CD300LG: variants seen among roughly 807,000 people sequenced by gnomAD.
The protein encoded by CD300LG is CD300 molecule like family member g, also known as CMRF35-like molecule 9.
In CD300LG, 29 loss-of-function variants were observed where a neutral mutation model predicts 31.5. That is an observed-to-expected ratio of 0.92 (90% confidence interval 0.68 to 1.25). The LOEUF (loss-of-function observed/expected upper bound fraction) is 1.25, where lower values mean the gene tolerates loss of function less well. Ranked by LOEUF, CD300LG falls within the 50% of genes most tolerant of loss-of-function variation. The pLI is 0.00. For synonymous variants in CD300LG, 175 were observed against 177.2 expected (o/e 0.99, Z 0.10); for missense variants, 396 against 417.6 (o/e 0.95, Z 0.45).
At chr17:43,848,447 A>G (rs1477800549) in intron 1 of CD300LG, 111 bp from the exon 2 acceptor site, 1 of 883,926 alleles carries the variant, frequency 1.1e-6, no homozygotes, top group Non-Finnish European at 1.8e-6. Context: ...CTGTCCCCAG[A>G]AGGGATGACT....
In CD300LG at chr17:43,855,276, C is replaced by T. The variant is rs1299057083; in HGVS notation, c.789C>T (p.Gly263=). The T allele has an allele frequency of 6.2e-7, 1 of 1,606,274 alleles. No individual in the cohort carries two copies. Among genetic ancestry groups the T allele is most frequent in the Non-Finnish European group, 8.5e-7 (1 of 1,177,496 alleles). The change falls in exon 5 of 7, where the codon GGC becomes GGT. Residue 263 remains glycine, a synonymous_variant. Coordinates refer to ENST00000317310, the MANE Select transcript of CD300LG (RefSeq NM_145273.4). ...TGCTGAGCCTTCTGTCAGCCGCAGG[C>T]CTGATCGCCTTCTGCAGCCACCTGC... ...LVLLSLLSAA[G]LIAFCSHLLL... is the part of the protein sequence containing the mutation.
rs112331876 is a variant in CD300LG at position 43,861,418 on chromosome 17, G to C, written c.886-380G>C. ...TTCCCCATTCACAGCCATAGGCCTA[G>C]CCCATTTCACCTGGGAAGCCAGAGC... is the stretch of plus-strand genomic sequence containing the variant. On this transcript the variant is annotated intron_variant, in intron 6 of 6. Transcript: ENST00000317310. 6.1e-3 allele frequency among the ~76,000 whole-genome samples: 925 copies of C among 152,276 alleles called. 5 individuals are homozygous for C. The highest frequency in any genetic ancestry group is 0.01 in the Middle Eastern group (3 of 294).
chr17:43,847,740 TTG>T, intron 1 of CD300LG, among the ~76,000 whole-genome samples: 1 of 152,314 alleles, frequency 6.6e-6, no homozygotes, highest in African/African-American at 2.4e-5. Context: ...CTGATGTCAG[TTG>T]TTCAGTTGGC....
chr17:43,859,132 C>T (rs1452322720), intron 6 of CD300LG, among the ~76,000 whole-genome samples: 2 of 152,122 alleles, frequency 1.3e-5, no homozygotes, highest in African/African-American at 4.8e-5. Flanking sequence ...CCCTCTGCGT[C>T]CTCCACCCCG....
intron 5 of CD300LG, among the ~76,000 whole-genome samples, chr17:43,856,286 T>A (rs1054179378): frequency 6.6e-6 from 1 of 152,226 alleles, no homozygotes; most frequent in South Asian, 2.1e-4. Context: ...CTGATGGCCA[T>A]GTGCAGCTCC....
Position 43,848,744 on chromosome 17 carries a change from G to T in CD300LG, c.230G>T (p.Gly77Val). 1 of 1,614,152 alleles carries T rather than the reference G, an allele frequency of 6.2e-7. No individual in the cohort carries two copies. Among genetic ancestry groups the T allele is most frequent in the Non-Finnish European group, 8.5e-7 (1 of 1,180,038 alleles). The change falls in exon 2 of 7, where the codon GGC becomes GTC. Residue 77 changes from glycine to valine, a missense_variant. Transcript: ENST00000317310. ...GAAGAAGGCCAGGAGACAATGAAGG[G>T]CAGGGTGTCCATCCGTGACAGCCGC... ...AEEEGQETMK[G>V]RVSIRDSRQE...
intron 2 of CD300LG, among the ~76,000 whole-genome samples, chr17:43,851,866 A>G (rs1260067628): frequency 6.6e-6 from 1 of 152,066 alleles, no homozygotes; most frequent in Non-Finnish European, 1.5e-5. Flanking sequence ...AGGGAGACCC[A>G]GTACACAAGA....
intron 6 of CD300LG, chr17:43,857,696 G>A (rs72836564): frequency 0.15 from 200,594 of 1,327,656 alleles, 16,432 homozygotes; most frequent in Non-Finnish European, 0.16. Context: ...GAGGCCCAGA[G>A]AGGGTAAAGG....
At chr17:43,857,772 CT>C (rs1455125082) in intron 6 of CD300LG, 10 of 1,537,110 alleles carry the variant, frequency 6.5e-6, no homozygotes, top group African/African-American at 1.4e-5. Flanking sequence ...TTCTTGACTC[CT>C]GCTCTTCTCT....
rs16940265 is a variant in CD300LG at position 43,860,399 on chromosome 17, C to T, written c.886-1399C>T. ...GGAGCTTCTTTCTCTGGCATCAGTG[C>T]CCATTTGGCCATGGGATTCACTGTC... is the stretch of plus-strand genomic sequence containing the variant. On this transcript the variant is annotated intron_variant, in intron 6 of 6. Transcript: ENST00000317310. 1.2e-3 allele frequency among the ~76,000 whole-genome samples: 185 copies of T among 152,356 alleles called. 1 individual carries two copies. Among genetic ancestry groups the T allele is most frequent in the African/African-American group, 4.1e-3 (170 of 41,580 alleles).
rs528591847 is a variant in CD300LG, at chr17:43,850,675, G to A, written c.379+1782G>A. ...TGTTTTTTTTTTAAGATGTGGTTTC[G>A]CCATATTGGCCTGTCTGGTCTCAAA... On this transcript the variant is annotated intron_variant, in intron 2 of 6. Coordinates refer to ENST00000317310, the MANE Select transcript of CD300LG (RefSeq NM_145273.4). Among the ~76,000 whole-genome samples, 13 of 151,690 alleles carry A rather than the reference G, an allele frequency of 8.6e-5. No homozygotes were observed. In the South Asian group the frequency reaches 1.3e-3, roughly 15 times the overall value.
At chr17:43,861,702 G>A (rs1314018323) in intron 6 of CD300LG, 96 bp from the exon 7 acceptor site, 1 of 719,382 alleles carries the variant, frequency 1.4e-6, no homozygotes. Context: ...TGTGGAAAAG[G>A]CTGGGTGGAC....
At position 43,848,771 on chromosome 17, in the gene CD300LG, A is replaced by G; in HGVS notation, c.257A>G (p.Gln86Arg). The change falls in exon 2 of 7, where the codon CAG becomes CGG. Residue 86 changes from glutamine (Q) to arginine (R), a missense_variant. Coordinates refer to ENST00000317310, the MANE Select transcript of CD300LG (RefSeq NM_145273.4). ...KGRVSIRDSRQELSLIVTLWN... is the reference protein window; with the variant it reads ...KGRVSIRDSRRELSLIVTLWN... The stretch of plus-strand genomic sequence containing the variant: ...AGGGTGTCCATCCGTGACAGCCGCC[A>G]GGAGCTCTCGCTCATTGTGACCCTG... 6.2e-7 allele frequency: 1 copy of G among 1,614,182 alleles called. No homozygotes were observed. The highest frequency in any genetic ancestry group is 8.5e-7 in the Non-Finnish European group (1 of 1,180,034).
At chr17:43,861,648 T>C in intron 6 of CD300LG, 150 bp from the exon 7 acceptor site, 1 of 511,292 alleles carries the variant, frequency 2.0e-6, no homozygotes, top group Non-Finnish European at 3.4e-6. Context: ...TTCTGGGGAG[T>C]TGTTAGGTCC....
intron 3 of CD300LG, 25 bp from the exon 4 acceptor site, chr17:43,853,782 T>C: frequency 6.3e-7 from 1 of 1,584,214 alleles, no homozygotes; most frequent in East Asian, 2.2e-5. Context: ...GGAAGGATGC[T>C]GAGGCATTGC....
In CD300LG at chr17:43,848,599, G is replaced by T. The variant is rs762387492; in HGVS notation, c.85G>T (p.Glu29Ter). Residue 29 changes from glutamate to a stop codon, truncating the protein, a stop_gained, in exon 2 of 7, where the codon GAA becomes TAA. Coordinates refer to ENST00000317310, the MANE Select transcript of CD300LG (RefSeq NM_145273.4). LOFTEE classifies it high-confidence loss of function. ...GGGCCCAGAGGAAATCAGCGGGTTC[G>T]AAGGGGACACTGTGTCCCTGCAGTG... ...LEGPEEISGF[E>*]GDTVSLQCTY... 3.1e-6 allele frequency: 5 copies of T among 1,614,014 alleles called. No homozygotes were observed. The East Asian group carries it at 1.1e-4, about 36-fold the overall frequency.
At chr17:43,856,712 C>A (rs967293696) in intron 5 of CD300LG, among the ~76,000 whole-genome samples, 1 of 152,214 alleles carries the variant, frequency 6.6e-6, no homozygotes, top group African/African-American at 2.4e-5. Context: ...TGCCAGCTAG[C>A]AGCGGTGGCA....
chr17:43,852,949 G>C lies in CD300LG; in HGVS notation c.417G>C (p.Gln139His), dbSNP rs1263970242. ...CTCCCTCCCCTTCTCCCACCTTCCA[G>C]CCTCTGGCTACAACACGCCTGCAGC... ...CCPPSPSPTF[Q>H]PLATTRLQPK... The change falls in exon 3 of 7, where the codon CAG becomes CAC. Residue 139 changes from glutamine to histidine, a missense_variant. Coordinates refer to ENST00000317310, the MANE Select transcript of CD300LG (RefSeq NM_145273.4). The C allele has an allele frequency of 2.5e-6, 4 of 1,613,032 alleles. No individual in the cohort carries two copies. Among genetic ancestry groups the C allele is most frequent in the Admixed American group, 1.7e-5 (1 of 59,850 alleles).
chr17:43,859,028 A>T (rs1003727040), intron 6 of CD300LG, among the ~76,000 whole-genome samples: 2 of 152,196 alleles, frequency 1.3e-5, no homozygotes, highest in Admixed American at 1.3e-4. Flanking sequence ...ATGAAGAAAT[A>T]CAGGCTCAGA....
Sources: allele counts gnomAD v4.1 joint callset (sites outside exome capture counted in the v4.1 genomes callset), GRCh38; gene constraint gnomAD v4.1.1; transcripts MANE v1.5; gene names NCBI Gene and HGNC (gene_info 2026-07-23, HGNC 2026-07-21).